The following SLC51B variants were observed in gnomAD, a reference collection of about 807,000 sequenced individuals.
SLC51B encodes organic solute transporter subunit beta.
SLC51B carries 6 observed loss-of-function variants against 8.0 expected under a neutral mutation model. The observed-to-expected ratio is 0.75, with a 90% confidence interval of 0.41 to 1.48. SLC51B has a LOEUF of 1.48. SLC51B is among the 40% of genes most tolerant of loss of function. The pLI is 0.01. For missense variants in SLC51B, 150 were observed against 149.7 expected, an observed-to-expected ratio of 1.00 and a Z score of -0.01; for synonymous variants, 61 against 54.8, an observed-to-expected ratio of 1.11 and a Z score of -0.50.
chr15:65,046,286 A>C (rs2086576510), intron 1 of SLC51B, among the ~76,000 whole-genome samples: 1 of 151,982 alleles, frequency 6.6e-6, no homozygotes, highest in Non-Finnish European at 1.5e-5. Context: ...GGGCAACAAG[A>C]GTGAAACTCT....
intron 2 of SLC51B, among the ~76,000 whole-genome samples, chr15:65,051,177 C>T (rs1421729423): frequency 6.6e-6 from 1 of 151,614 alleles, no homozygotes; most frequent in Non-Finnish European, 1.5e-5. Flanking sequence ...CAGGTCCAGC[C>T]CAGGCTGGCA....
intron 2 of SLC51B, 114 bp downstream of exon 2, chr15:65,050,215 C>T (rs2086631436): frequency 1.2e-6 from 1 of 815,562 alleles, no homozygotes; most frequent in South Asian, 1.7e-5. Context: ...TACATTTCCT[C>T]CAAGACAGGG....
At chr15:65,051,674 A>G in intron 3 of SLC51B, 69 bp downstream of exon 3, 2 of 1,460,962 alleles carry the variant, frequency 1.4e-6, no homozygotes, top group South Asian at 2.3e-5. Context: ...CCAGAGGGAA[A>G]TCTAGAGAGG....
intron 3 of SLC51B, among the ~76,000 whole-genome samples, chr15:65,052,050 C>T (rs2086660627): frequency 1.3e-5 from 2 of 152,126 alleles, no homozygotes; most frequent in South Asian, 4.1e-4. Context: ...CTAGGGGTAC[C>T]TTGAATAAAA....
chr15:65,046,740 C>T (rs935564340), intron 1 of SLC51B, among the ~76,000 whole-genome samples: 1 of 151,986 alleles, frequency 6.6e-6, no homozygotes, highest in Non-Finnish European at 1.5e-5. Flanking sequence ...TGATGAAACC[C>T]CATCGCTACA....
Position 65,050,052 on chromosome 15 carries a change from A to G in SLC51B, c.48A>G (p.Val16=), listed in dbSNP as rs2140506363. 1 of 1,551,800 alleles carries G rather than the reference A, an allele frequency of 6.4e-7. No homozygotes were observed. The change falls in exon 2 of 4, where the codon GTA becomes GTG. Residue 16 remains valine, a synonymous_variant. Coordinates refer to ENST00000334287, the MANE Select transcript of SLC51B (RefSeq NM_178859.4). ...CCGGAGACCCAGCCGGTACTGTGGTACCCCAGGAGCTGCTGGAAGAGATGC... is the reference window on the plus strand; with the variant it reads ...CCGGAGACCCAGCCGGTACTGTGGTGCCCCAGGAGCTGCTGGAAGAGATGC... ...GAPGDPAGTV[V]PQELLEEMLW... is the part of the protein sequence containing the mutation.
intron 3 of SLC51B, among the ~76,000 whole-genome samples, chr15:65,052,699 C>T (rs1339777622): frequency 6.6e-6 from 1 of 152,040 alleles, no homozygotes. Context: ...ACCTGGTCTC[C>T]TTGAAGCACA....
rs67842486 is a variant in SLC51B, at chr15:65,049,009, C to CAAA, written c.-108-872_-108-870dup. Among the ~76,000 whole-genome samples the CAAA allele has an allele frequency of 4.5e-4, 42 of 94,206 alleles. 1 individual carries two copies. Among genetic ancestry groups the CAAA allele is most frequent in the African/African-American group, 1.5e-3 (36 of 23,564 alleles). 61.8% of individuals were successfully genotyped at this position (94,206 alleles called of 152,430 possible). ...TGGGCGACAGAGTGAGACTCCGTCT[C>CAAA]AAAAAAAAAAAAAAAAAAGCGAAAT... On this transcript the variant is annotated intron_variant, in intron 1 of 3. Transcript: ENST00000334287.
chr15:65,046,792 T>G (rs764640265), intron 1 of SLC51B, among the ~76,000 whole-genome samples: 7 of 149,972 alleles, frequency 4.7e-5, no homozygotes, highest in Non-Finnish European at 7.4e-5. Context: ...ACATGCCTGT[T>G]GTACCAGCTG....
At chr15:65,048,926 C>T (rs2086610065) in intron 1 of SLC51B, among the ~76,000 whole-genome samples, 1 of 147,288 alleles carries the variant, frequency 6.8e-6, no homozygotes, top group Non-Finnish European at 1.5e-5. Flanking sequence ...AGGAGAATCG[C>T]TTGAACCTGG....
chr15:65,047,272 G>T (rs1595898507), intron 1 of SLC51B, among the ~76,000 whole-genome samples: 1 of 151,170 alleles, frequency 6.6e-6, no homozygotes, highest in Middle Eastern at 3.4e-3. Context: ...GGAGGCGGTG[G>T]TTGCAGTGAG....
At chr15:65,050,446 C>G (rs1036246629) in intron 2 of SLC51B, among the ~76,000 whole-genome samples, 1 of 152,172 alleles carries the variant, frequency 6.6e-6, no homozygotes, top group East Asian at 1.9e-4. Context: ...TAAAAATAAA[C>G]AACTAAAACG....
At chr15:65,050,371 G>A (rs2086634188) in intron 2 of SLC51B, among the ~76,000 whole-genome samples, 1 of 152,128 alleles carries the variant, frequency 6.6e-6, no homozygotes, top group South Asian at 2.1e-4. Context: ...CTCAGCACTG[G>A]GGCGACAATA....
chr15:65,049,810 T>A, intron 1 of SLC51B, 87 bp from the exon 2 acceptor site: 129 of 387,472 alleles, frequency 3.3e-4, no homozygotes, highest in Middle Eastern at 1.4e-3. Flanking sequence ...GTCCCATAAC[T>A]TTGGGCCAGA....
chr15:65,051,294 C>T (rs935239662), intron 2 of SLC51B, among the ~76,000 whole-genome samples: 1 of 152,218 alleles, frequency 6.6e-6, no homozygotes, highest in Non-Finnish European at 1.5e-5. Flanking sequence ...AGTACTGTCT[C>T]CTCCATTAGA....
intron 1 of SLC51B, chr15:65,049,237 T>G (rs964617608): frequency 2.7e-5 from 4 of 149,796 alleles, no homozygotes; most frequent in Admixed American, 2.0e-4. Context: ...GGGATGGAAA[T>G]AGGCCTACAC....
In SLC51B at chr15:65,051,515, C is replaced by T. The variant is rs1393922669; in HGVS notation, c.98C>T (p.Ala33Val). The T allele has an allele frequency of 6.2e-7, 1 of 1,613,356 alleles. No individual in the cohort carries two copies. The highest frequency in any genetic ancestry group is 8.5e-7 in the Non-Finnish European group (1 of 1,179,610). ...EMLWFFRVEDASPWNHSILAL... is the reference protein window; with the variant it reads ...EMLWFFRVEDVSPWNHSILAL... ...CTCTGTCCTGTGTGTCCTTCCCCAGCATCTCCCTGGAATCATTCCATCCTT... is the reference window on the plus strand; with the variant it reads ...CTCTGTCCTGTGTGTCCTTCCCCAGTATCTCCCTGGAATCATTCCATCCTT... The change falls in exon 3 of 4, where the codon GCA becomes GTA. Residue 33 changes from alanine to valine, a missense_variant and splice_region_variant. Ala to Val is a moderately conservative substitution (Grantham distance 64, BLOSUM62 0). Coordinates refer to ENST00000334287, the MANE Select transcript of SLC51B (RefSeq NM_178859.4).
In SLC51B at chr15:65,053,064, T is replaced by C. The variant is rs1054962927; in HGVS notation, c.287T>C (p.Leu96Ser). The C allele has an allele frequency of 1.9e-6, 3 of 1,614,048 alleles. No homozygotes were observed. The highest frequency in any genetic ancestry group is 2.7e-5 in the African/African-American group (2 of 74,920). The stretch of plus-strand genomic sequence containing the variant: ...AGCCTAAACAACCTAAGAGAAACTT[T>C]GCTCTCAGAAAAGCCAAACTTGGCC... ...HNSLNNLRET[L>S]LSEKPNLAQV... Residue 96 changes from leucine (L) to serine (S), a missense_variant, in exon 4 of 4, where the codon TTG (leucine) becomes TCG (serine). By Grantham distance (145) the Leu-to-Ser change is moderately radical. Coordinates refer to ENST00000334287, the MANE Select transcript of SLC51B (RefSeq NM_178859.4).
At chr15:65,048,243 T>A (rs2086603349) in intron 1 of SLC51B, among the ~76,000 whole-genome samples, 1 of 152,140 alleles carries the variant, frequency 6.6e-6, no homozygotes, top group Admixed American at 6.5e-5. Flanking sequence ...CTGACTTCCA[T>A]CTCCACCTTG....
Sources: allele counts gnomAD v4.1 joint callset (sites outside exome capture counted in the v4.1 genomes callset), GRCh38; gene constraint gnomAD v4.1.1; transcripts MANE v1.5; gene names NCBI Gene and HGNC (gene_info 2026-07-23, HGNC 2026-07-21).